DPY19L3: variants seen among roughly 807,000 people sequenced by gnomAD.
DPY19L3 encodes the protein dpy-19 like C-mannosyltransferase 3.
A neutral mutation model predicts 92.3 loss-of-function variants in DPY19L3; 51 were observed. The observed-to-expected ratio is 0.55, with a 90% CI of 0.44 to 0.70. The LOEUF (loss-of-function observed/expected upper bound fraction) is 0.70, where lower values mean the gene tolerates loss of function less well. Among genes scored for constraint, DPY19L3 ranks in the 30% least tolerant of loss-of-function variants. The pLI, the probability that DPY19L3 is intolerant of heterozygous loss-of-function variation, is 0.00. For synonymous variants in DPY19L3, 309 were observed against 315.2 expected (o/e 0.98, Z 0.21); for missense variants, 706 against 855.9 (o/e 0.82, Z 2.18).
At chr19:32,413,224 G>A (rs1968253961) in intron 3 of DPY19L3, 1 of 152,194 alleles carries the variant, frequency 6.6e-6, no homozygotes, top group Non-Finnish European at 1.5e-5. Context: ...AGAAGTGACT[G>A]ATGAAGGATC....
chr19:32,444,905 C>T (rs1295577451), intron 8 of DPY19L3, among the ~76,000 whole-genome samples: 1 of 149,886 alleles, frequency 6.7e-6, no homozygotes, highest in Admixed American at 6.7e-5. Flanking sequence ...CAACATGATG[C>T]AACCCCATCT....
rs761822429 is a variant in DPY19L3 at position 32,438,030 on chromosome 19, C to G, written c.596+691C>G. Among the ~76,000 whole-genome samples, 11 of 152,228 alleles carry G rather than the reference C, an allele frequency of 7.2e-5. No individual in the cohort carries two copies. The Middle Eastern group carries it at 0.01, about 141-fold the overall frequency. ...CCTTAATAGGGTTGTGTATGGCTCT[C>G]AGTTAGTAGAGCTTAAAGATAAAAT... On this transcript the variant is annotated intron_variant, in intron 6 of 18. Coordinates refer to ENST00000392250, the MANE Select transcript of DPY19L3 (RefSeq NM_001172774.2).
intron 10 of DPY19L3, among the ~76,000 whole-genome samples, chr19:32,456,757 A>G (rs1036669642): frequency 7.2e-5 from 11 of 152,148 alleles, no homozygotes; most frequent in African/African-American, 2.7e-4. Flanking sequence ...GAGTTGATGA[A>G]TACCCCATTT....
intron 16 of DPY19L3, chr19:32,469,097 G>T: frequency 4.9e-6 from 1 of 205,872 alleles, no homozygotes; most frequent in Non-Finnish European, 9.6e-6. Flanking sequence ...GGCAATAAAA[G>T]TTTATAATAT....
chr19:32,474,245 T>C lies in DPY19L3; in HGVS notation c.1698-3277T>C, dbSNP rs540123727. Among the ~76,000 whole-genome samples the C allele has an allele frequency of 2.0e-5, 3 of 152,370 alleles. No homozygotes were observed. In the East Asian group the frequency reaches 5.8e-4, roughly 29 times the overall value. ...AACACATTAAATAGATTACACTTCT[T>C]TTAAACTTTCTGACTTTTTGCTAAT... On this transcript the variant is annotated intron_variant, in intron 16 of 18. Transcript: ENST00000392250.
rs747912529 is a variant in DPY19L3 at position 32,482,065 on chromosome 19, T to G, written c.1990-14T>G. On this transcript the variant is annotated splice_polypyrimidine_tract_variant and intron_variant, in intron 18 of 18. Transcript: ENST00000392250. ...TTTCCCCCCAAATTGTATTTGGGTT[T>G]GTTTTGGTTTTAGATGATGGATGGC... 19 of 1,604,478 alleles carry G rather than the reference T, an allele frequency of 1.2e-5. No homozygotes were observed. The highest frequency in any genetic ancestry group is 1.5e-5 in the Non-Finnish European group (18 of 1,176,914).
At chr19:32,482,053 T>C in intron 18 of DPY19L3, 26 bp from the exon 19 acceptor site, 1 of 1,599,646 alleles carries the variant, frequency 6.3e-7, no homozygotes, top group Non-Finnish European at 8.5e-7. Context: ...CCCCCCAAAT[T>C]GTATTTGGGT....
intron 2 of DPY19L3, 78 bp from the exon 3 acceptor site, chr19:32,411,161 T>C (rs1197700120): frequency 6.8e-6 from 10 of 1,462,956 alleles, no homozygotes; most frequent in Middle Eastern, 2.5e-4. Context: ...CTTAGCTTAC[T>C]TGATAATCTG....
At chr19:32,468,657 T>A in intron 15 of DPY19L3, 74 bp from the exon 16 acceptor site, 1 of 1,572,712 alleles carries the variant, frequency 6.4e-7, no homozygotes, top group Non-Finnish European at 8.6e-7. Flanking sequence ...TTATCTTTTT[T>A]TCATTTAATC....
intron 8 of DPY19L3, among the ~76,000 whole-genome samples, chr19:32,446,831 T>C (rs936870234): frequency 2.0e-5 from 3 of 152,130 alleles, no homozygotes; most frequent in Admixed American, 6.6e-5. Context: ...TCATCAGAGA[T>C]ATAGAACCCA....
Position 32,459,435 on chromosome 19 carries a change from G to A in DPY19L3, c.1322+926G>A, listed in dbSNP as rs112339432. 3.5e-3 allele frequency among the ~76,000 whole-genome samples: 540 copies of A among 152,274 alleles called. 3 individuals carry two copies. Among genetic ancestry groups the A allele is most frequent in the African/African-American group, 0.012 (485 of 41,538 alleles). On this transcript the variant is annotated intron_variant, in intron 12 of 18. Coordinates refer to ENST00000392250, the MANE Select transcript of DPY19L3 (RefSeq NM_001172774.2). ...GAGCTGTCATTAAAATGAGTCCAGA[G>A]CAGTTGAGAGGTTTTATGATCATTA...
chr19:32,410,470 G>C (rs1285190399), intron 2 of DPY19L3, among the ~76,000 whole-genome samples: 1 of 151,936 alleles, frequency 6.6e-6, no homozygotes, highest in Non-Finnish European at 1.5e-5. Context: ...AAAACCTGTG[G>C]GTTTAAAAAA....
In DPY19L3 at chr19:32,458,466, A is replaced by G. The variant is rs1320251527; in HGVS notation, c.1279A>G (p.Ile427Val). 1 of 1,613,360 alleles carries G rather than the reference A, an allele frequency of 6.2e-7. No individual in the cohort carries two copies. The highest frequency in any genetic ancestry group is 8.5e-7 in the Non-Finnish European group (1 of 1,179,916). Residue 427 changes from isoleucine to valine, a missense_variant, in exon 12 of 19, where the codon ATC (isoleucine) becomes GTC (valine). Coordinates refer to ENST00000392250, the MANE Select transcript of DPY19L3 (RefSeq NM_001172774.2). ...TTATGCTTACATATTCGTTCTGTCC[A>G]TCACAGTGATTGTAGCATTCGTTGT... ...LFYAYIFVLS[I>V]TVIVAFVVAF...
chr19:32,419,898 C>T (rs1355132487), intron 3 of DPY19L3, among the ~76,000 whole-genome samples: 1 of 136,524 alleles, frequency 7.3e-6, no homozygotes, highest in Admixed American at 8.1e-5. Context: ...CTTGCTGTGT[C>T]ACCCAGGCTG....
In DPY19L3 at chr19:32,453,133, T is replaced by G; in HGVS notation, c.856-12T>G. On this transcript the variant is annotated splice_polypyrimidine_tract_variant and intron_variant, in intron 8 of 18. Transcript: ENST00000392250. Reference sequence around the variant, plus strand: ...AAAATGTCTGTACTCATCTAATCTTTGGTTCTTGCAGGCGACATGGCTGTA... The same window carrying G: ...AAAATGTCTGTACTCATCTAATCTTGGGTTCTTGCAGGCGACATGGCTGTA... The G allele has an allele frequency of 6.2e-7, 1 of 1,613,698 alleles. No homozygotes were observed. The highest frequency in any genetic ancestry group is 8.5e-7 in the Non-Finnish European group (1 of 1,179,906).
intron 3 of DPY19L3, among the ~76,000 whole-genome samples, chr19:32,420,433 T>C (rs964577226): frequency 4.0e-5 from 6 of 150,906 alleles, no homozygotes; most frequent in Non-Finnish European, 7.4e-5. Flanking sequence ...GATTTTTGTT[T>C]AGTAGTTTTG....
intron 3 of DPY19L3, among the ~76,000 whole-genome samples, chr19:32,425,378 C>T (rs1170428953): frequency 6.6e-6 from 1 of 152,056 alleles, no homozygotes; most frequent in Non-Finnish European, 1.5e-5. Flanking sequence ...TAGTAAAACC[C>T]TGTATCTATT....
chr19:32,417,170 G>T (rs1968405503), intron 3 of DPY19L3, among the ~76,000 whole-genome samples: 1 of 152,292 alleles, frequency 6.6e-6, no homozygotes, highest in East Asian at 1.9e-4. Flanking sequence ...ATATGGTTTG[G>T]CTGTGTCCCC....
intron 3 of DPY19L3, among the ~76,000 whole-genome samples, chr19:32,413,790 A>G (rs373365468): frequency 4.6e-5 from 7 of 152,154 alleles, no homozygotes; most frequent in South Asian, 2.1e-4. Flanking sequence ...GCACAATTAC[A>G]GCTCGCTGCA....
Sources: allele counts gnomAD v4.1 joint callset (sites outside exome capture counted in the v4.1 genomes callset), GRCh38; gene constraint gnomAD v4.1.1; transcripts MANE v1.5; gene names NCBI Gene and HGNC (gene_info 2026-07-23, HGNC 2026-07-21).